DIAPH3: variants seen among roughly 807,000 people sequenced by gnomAD.
DIAPH3 encodes the protein diaphanous related formin 3, also known as protein diaphanous homolog 3.
A neutral mutation model predicts 144.3 loss-of-function variants in DIAPH3; 117 were observed. The ratio of observed to expected loss-of-function variants is 0.81; its 90% confidence interval spans 0.70 to 0.95. The LOEUF (loss-of-function observed/expected upper bound fraction) is 0.95. Ranked by LOEUF, DIAPH3 falls within the 40% of genes least tolerant of loss-of-function variation. The pLI is 0.00. For synonymous variants in DIAPH3, 519 were observed against 488.9 expected (o/e 1.06, Z -0.81); for missense variants, 1,421 against 1,412.7 (o/e 1.01, Z -0.09).
At chr13:59,742,150 G>C (rs1327581300) in intron 27 of DIAPH3, among the ~76,000 whole-genome samples, 1 of 152,088 alleles carries the variant, frequency 6.6e-6, no homozygotes, top group African/African-American at 2.4e-5. Flanking sequence ...CATGAAAACA[G>C]TATGAGAGAA....
At chr13:59,681,295 A>G (rs532874954) in intron 27 of DIAPH3, among the ~76,000 whole-genome samples, 11 of 152,100 alleles carry the variant, frequency 7.2e-5, no homozygotes, top group South Asian at 2.1e-4. Flanking sequence ...ATATAGTAAG[A>G]CTCCGTCTCT....
intron 23 of DIAPH3, among the ~76,000 whole-genome samples, chr13:59,835,329 G>C (rs917941430): frequency 1.3e-5 from 2 of 151,502 alleles, no homozygotes; most frequent in Non-Finnish European, 3.0e-5. Flanking sequence ...ATAAACAAAT[G>C]AATCAGATTT....
At chr13:59,731,624 C>T (rs1206752719) in intron 27 of DIAPH3, among the ~76,000 whole-genome samples, 1 of 152,108 alleles carries the variant, frequency 6.6e-6, no homozygotes, top group Non-Finnish European at 1.5e-5. Flanking sequence ...TTACACTGAT[C>T]ACCACAGTTA....
At chr13:60,056,687 C>T (rs956972981) in intron 4 of DIAPH3, among the ~76,000 whole-genome samples, 1 of 151,644 alleles carries the variant, frequency 6.6e-6, no homozygotes, top group African/African-American at 2.4e-5. Context: ...TCCTGGAAGA[C>T]AGTGTACAAG....
At chr13:60,006,131 C>T (rs889115991) in intron 9 of DIAPH3, among the ~76,000 whole-genome samples, 7 of 152,172 alleles carry the variant, frequency 4.6e-5, no homozygotes, top group African/African-American at 1.4e-4. Context: ...CAAGTTCATA[C>T]TCATCAATTT....
At chr13:60,050,879 G>C (rs2056311754) in intron 4 of DIAPH3, among the ~76,000 whole-genome samples, 1 of 152,152 alleles carries the variant, frequency 6.6e-6, no homozygotes, top group Non-Finnish European at 1.5e-5. Flanking sequence ...GTTGTTGGTA[G>C]CCTGGCATAA....
chr13:60,152,826 G>GATAA (rs10673059), intron 1 of DIAPH3, among the ~76,000 whole-genome samples: 95,864 of 151,262 alleles, frequency 0.63, 30,799 homozygotes, highest in Admixed American at 0.72. Context: ...CTTCACTACT[G>GATAA]ATACTTACTA....
intron 17 of DIAPH3, among the ~76,000 whole-genome samples, chr13:59,962,939 T>C (rs1230584184): frequency 2.0e-5 from 3 of 152,296 alleles, no homozygotes; most frequent in South Asian, 2.1e-4. Context: ...GGAAACTTAA[T>C]AGGTACTGCT....
At chr13:60,068,910 T>C (rs1301148245) in intron 4 of DIAPH3, among the ~76,000 whole-genome samples, 2 of 148,102 alleles carry the variant, frequency 1.4e-5, no homozygotes, top group East Asian at 1.9e-4. Context: ...TTTAGGTTAA[T>C]TCCATGTCTT....
rs1952424779 is a variant in DIAPH3 at position 60,163,889 on chromosome 13, T to C, written c.-123A>G. 10 of 1,259,078 alleles carry C rather than the reference T, an allele frequency of 7.9e-6. No homozygotes were observed. The South Asian group carries it at 1.0e-4, about 13-fold the overall frequency. 78.0% of individuals were successfully genotyped at this position (1,259,078 alleles called of 1,614,324 possible). ...CGCCACCCAAACAGTCAGCACAGCC[T>C]AGCCCAACCGCTGAAGTCGGGGCCG... is the stretch of plus-strand genomic sequence containing the variant. On this transcript the variant is annotated 5_prime_UTR_variant, in exon 1 of 28. The change abolishes the stop of an existing upstream ORF in the 5' untranslated region. Coordinates refer to ENST00000400324, the MANE Select transcript of DIAPH3 (RefSeq NM_001042517.2).
chr13:59,829,915 G>A (rs558502945), intron 24 of DIAPH3, among the ~76,000 whole-genome samples: 31 of 151,828 alleles, frequency 2.0e-4, no homozygotes, highest in Non-Finnish European at 3.8e-4. Context: ...ACAAAAATTA[G>A]CCTTCACTTT....
chr13:59,938,824 GT>G (rs1748324580), intron 17 of DIAPH3, among the ~76,000 whole-genome samples: 1 of 152,148 alleles, frequency 6.6e-6, no homozygotes, highest in Admixed American at 6.6e-5. Flanking sequence ...GGGAGTTAGT[GT>G]TTAATGGGTA....
At chr13:59,972,551 A>C (rs545633117) in intron 15 of DIAPH3, among the ~76,000 whole-genome samples, 8 of 152,334 alleles carry the variant, frequency 5.3e-5, no homozygotes, top group Non-Finnish European at 7.4e-5. Context: ...ATGACAAAGA[A>C]AACAGTGTTA....
At chr13:59,807,042 G>A (rs1195602142) in intron 25 of DIAPH3, among the ~76,000 whole-genome samples, 2 of 151,640 alleles carry the variant, frequency 1.3e-5, no homozygotes, top group Admixed American at 1.3e-4. Context: ...GAAAAAAGTT[G>A]ACTGTATTAT....
Position 59,807,495 on chromosome 13 carries a change from C to A in DIAPH3, c.3163+3293G>T, listed in dbSNP as rs1242259358. Among the ~76,000 whole-genome samples, 11 of 152,110 alleles carry A rather than the reference C, an allele frequency of 7.2e-5. No individual in the cohort carries two copies. In the South Asian group the frequency reaches 2.3e-3, roughly 32 times the overall value. On this transcript the variant is annotated intron_variant, in intron 25 of 27. Transcript: ENST00000400324. ...TCATATGTATGATATAGACATAGCA[C>A]ATATCTGTATTTATTTTACAGATAT...
At chr13:60,050,889 A>T (rs2056311992) in intron 4 of DIAPH3, among the ~76,000 whole-genome samples, 1 of 152,208 alleles carries the variant, frequency 6.6e-6, no homozygotes, top group Non-Finnish European at 1.5e-5. Flanking sequence ...GCCTGGCATA[A>T]GATGCAGTGA....
At chr13:59,832,983 T>C (rs1207525855) in intron 24 of DIAPH3, 124 bp downstream of exon 24, 4 of 810,538 alleles carry the variant, frequency 4.9e-6, no homozygotes, top group Admixed American at 4.3e-5. Context: ...TCTGAAATTT[T>C]ATAGCTTTCA....
At chr13:59,792,283 A>C (rs1456729377) in intron 25 of DIAPH3, among the ~76,000 whole-genome samples, 2 of 151,872 alleles carry the variant, frequency 1.3e-5, no homozygotes, top group Admixed American at 1.3e-4. Flanking sequence ...TTTTTTCCTC[A>C]TGTAAAAAGC....
intron 1 of DIAPH3, among the ~76,000 whole-genome samples, chr13:60,158,211 G>A (rs796663696): frequency 7.2e-5 from 11 of 152,308 alleles, no homozygotes; most frequent in African/African-American, 2.6e-4. Flanking sequence ...TGTCATGTGA[G>A]AGGTCTGTGG....
Sources: gnomAD v4.1 joint callset for allele counts (sites outside exome capture counted in the v4.1 genomes callset) on GRCh38, gnomAD v4.1.1 for gene constraint, MANE v1.5 for transcripts, NCBI Gene and HGNC (gene_info 2026-07-23, HGNC 2026-07-21) for gene names.